PLEKHG5: variants seen among roughly 807,000 people sequenced by gnomAD.
PLEKHG5 encodes pleckstrin homology domain-containing family G member 5.
A neutral mutation model predicts 103.8 loss-of-function variants in PLEKHG5; 52 were observed. The ratio of observed to expected loss-of-function variants is 0.50; its 90% CI spans 0.40 to 0.63. The LOEUF (loss-of-function observed/expected upper bound fraction) is 0.63. Among genes scored for constraint, PLEKHG5 ranks in the 30% least tolerant of loss-of-function variants. The pLI is 0.00. For missense variants in PLEKHG5, 1,205 were observed against 1,347.6 expected (o/e 0.89, Z 1.66); for synonymous variants, 592 against 575.5 (o/e 1.03, Z -0.41).
chr1:6,478,513 G>C (rs1032382328), intron 1 of PLEKHG5, among the ~76,000 whole-genome samples: 26 of 152,196 alleles, frequency 1.7e-4, no homozygotes, highest in African/African-American at 6.3e-4. Flanking sequence ...CTCCAGCTAC[G>C]GCTGACTTTC....
intron 3 of PLEKHG5, 73 bp from the exon 4 acceptor site, chr1:6,475,595 G>A: frequency 7.7e-7 from 1 of 1,305,420 alleles, no homozygotes; most frequent in South Asian, 1.2e-5. Flanking sequence ...GAGTGGGCCT[G>A]TGGCCTCCCC....
At chr1:6,495,322 C>A (rs1645208432), upstream of PLEKHG5, among the ~76,000 whole-genome samples, 1 of 152,238 alleles carries the variant, frequency 6.6e-6, no homozygotes, top group Non-Finnish European at 1.5e-5. Context: ...GGAGGCCGCC[C>A]CCTCCCCGCC....
At chr1:6,509,795 G>C (rs1001562872) in intron 1 of PLEKHG5, among the ~76,000 whole-genome samples, 2 of 152,226 alleles carry the variant, frequency 1.3e-5, no homozygotes, top group Non-Finnish European at 2.9e-5. Flanking sequence ...GTTAAGGAGA[G>C]AGCCCCCCAG....
chr1:6,511,461 C>T (rs963747351), intron 1 of PLEKHG5, among the ~76,000 whole-genome samples: 19 of 152,236 alleles, frequency 1.2e-4, no homozygotes, highest in African/African-American at 3.9e-4. Flanking sequence ...GAAAGGACCC[C>T]GCTTGGAGCC....
At chr1:6,481,339 T>C (rs1644891861) in intron 1 of PLEKHG5, among the ~76,000 whole-genome samples, 1 of 151,468 alleles carries the variant, frequency 6.6e-6, no homozygotes. Flanking sequence ...GAGACCAGCC[T>C]GACCAACATG....
At chr1:6,506,401 T>G (rs917622258) in intron 1 of PLEKHG5, among the ~76,000 whole-genome samples, 2 of 152,082 alleles carry the variant, frequency 1.3e-5, no homozygotes, top group Admixed American at 1.3e-4. Context: ...CTACAGACAT[T>G]TTACAAATTT....
upstream of PLEKHG5, among the ~76,000 whole-genome samples, chr1:6,500,963 C>T (rs891714369): frequency 2.0e-5 from 3 of 152,184 alleles, no homozygotes; most frequent in Non-Finnish European, 2.9e-5. Flanking sequence ...AACTGGGCCT[C>T]GGGGCGCGGG....
intron 1 of PLEKHG5, among the ~76,000 whole-genome samples, chr1:6,478,197 TTTTC>T (rs910161280): frequency 2.0e-5 from 3 of 152,036 alleles, no homozygotes; most frequent in Admixed American, 6.6e-5. Context: ...CCATCTTTTT[TTTTC>T]TTTCTTTCTT....
chr1:6,513,498 G>A (rs1037515140), intron 1 of PLEKHG5, among the ~76,000 whole-genome samples: 8 of 152,222 alleles, frequency 5.3e-5, no homozygotes, highest in Admixed American at 4.6e-4. Context: ...GGGAAGAGGC[G>A]GAAATGAAGG....
intron 1 of PLEKHG5, among the ~76,000 whole-genome samples, chr1:6,479,522 G>A (rs1052298361): frequency 1.3e-5 from 2 of 151,998 alleles, no homozygotes; most frequent in East Asian, 3.9e-4. Context: ...TCCTGACCTC[G>A]TGATCCGCCC....
At chr1:6,485,620 C>T (rs1368362109) in intron 1 of PLEKHG5, among the ~76,000 whole-genome samples, 1 of 149,510 alleles carries the variant, frequency 6.7e-6, no homozygotes, top group Non-Finnish European at 1.5e-5. Context: ...CCCGGGCCCT[C>T]GCCACCCAGC....
chr1:6,475,058 C>G lies in PLEKHG5; in HGVS notation c.291G>C (p.Lys97Asn), dbSNP rs776478887. 1 of 1,603,608 alleles carries G rather than the reference C, an allele frequency of 6.2e-7. No individual in the cohort carries two copies. Among genetic ancestry groups the G allele is most frequent in the African/African-American group, 1.3e-5 (1 of 74,702 alleles). Residue 97 changes from lysine to asparagine, a missense_variant, in exon 5 of 21, where the codon AAG becomes AAC. Transcript: ENST00000377728. ...IETEIVPAMK[K>N]KSLGEVLLPV... ...CCATCAAGCCCTACCCCAGTGACTT[C>G]TTCTTCATGGCTGGGACGATCTCTG...
At chr1:6,496,523 G>C (rs764529582), upstream of PLEKHG5, 14 of 1,603,988 alleles carry the variant, frequency 8.7e-6, no homozygotes, top group Admixed American at 1.7e-5. Context: ...CCATGCAGGC[G>C]GGGTTCTGAC....
chr1:6,511,625 G>T (rs754667935), intron 1 of PLEKHG5, among the ~76,000 whole-genome samples: 15 of 152,206 alleles, frequency 9.9e-5, no homozygotes, highest in Non-Finnish European at 1.5e-4. Context: ...GCCCCCAGGC[G>T]CTGGGACTGA....
chr1:6,496,556 G>A, upstream of PLEKHG5: 2 of 1,581,776 alleles, frequency 1.3e-6, no homozygotes, highest in Non-Finnish European at 1.7e-6. Context: ...TCTTTTCAGC[G>A]GGGCTCTGGT....
chr1:6,490,681 G>A lies in PLEKHG5; in HGVS notation c.-88+956C>T, dbSNP rs577325972. 3 of 876,272 alleles carry A rather than the reference G, an allele frequency of 3.4e-6. No homozygotes were observed. The highest frequency in any genetic ancestry group is 6.2e-5 in the Admixed American group (1 of 16,134). The allele number at this position is 876,272 out of a possible 1,614,324, so 54.3% of individuals were successfully genotyped here. A position where few individuals can be genotyped will look rare whatever the true frequency, so the allele number is the denominator to read the frequency against. ...GCCGCCCGGCTGGGACCGGGGAGAG[G>A]AGGGGTCCCAGGAAGGGCCCCGCGC... On this transcript the variant is annotated intron_variant, in intron 1 of 20. Transcript: ENST00000377728. This position sits in a 1 kb window ranked among gnomAD's most constrained non-coding sequence, Gnocchi z 8.0.
chr1:6,501,539 C>G (rs1645296807), upstream of PLEKHG5, among the ~76,000 whole-genome samples: 1 of 152,226 alleles, frequency 6.6e-6, no homozygotes, highest in Non-Finnish European at 1.5e-5. This position sits in a 1 kb window ranked among gnomAD's most constrained non-coding sequence, Gnocchi z 4.3. Flanking sequence ...ACTTGCCAAC[C>G]ACCTGCTGGG....
chr1:6,519,571 G>A (rs894267031), exon 1 of PLEKHG5: 50 of 1,268,406 alleles, frequency 3.9e-5, no homozygotes, highest in Non-Finnish European at 8.1e-6. Flanking sequence ...CAATGCCACA[G>A]GCCTCTCTAA....
chr1:6,498,945 T>C (rs1270298204), upstream of PLEKHG5, among the ~76,000 whole-genome samples: 64 of 151,678 alleles, frequency 4.2e-4, no homozygotes, highest in Admixed American at 4.1e-3. Flanking sequence ...GAGGGTGGAG[T>C]GGGGTTCGGG....
Sources: gnomAD v4.1 joint callset for allele counts (sites outside exome capture counted in the v4.1 genomes callset) on GRCh38, gnomAD v4.1.1 for gene constraint, Gnocchi (gnomAD v3.1) non-coding constraint, MANE v1.5 for transcripts, NCBI Gene and HGNC (gene_info 2026-07-23, HGNC 2026-07-21) for gene names.